The following FAM216B variants were observed in gnomAD, a reference collection of about 807,000 sequenced individuals.
FAM216B encodes the protein protein FAM216B.
FAM216B carries 11 observed loss-of-function variants against 12.9 expected under a neutral mutation model. That is an observed-to-expected ratio of 0.86 (90% CI 0.54 to 1.42). FAM216B has a LOEUF of 1.42. Among genes scored for constraint, FAM216B ranks in the 40% most tolerant of loss-of-function variants. The probability of loss-of-function intolerance (pLI) is 0.00; values close to 1 mark genes in which losing one functional copy is unlikely to be tolerated. For synonymous variants in FAM216B, 52 were observed against 57.2 expected, an observed-to-expected ratio of 0.91 and a Z score of 0.41; for missense variants, 167 against 162.9, an observed-to-expected ratio of 1.02 and a Z score of -0.14.
rs561910944 is a variant in FAM216B, at chr13:42,791,452, C to T, written c.*2662C>T. On this transcript the variant is annotated 3_prime_UTR_variant, in exon 4 of 4. Coordinates refer to ENST00000313851, the MANE Select transcript of FAM216B (RefSeq NM_001318932.2). ...TGATTGTAAAGACAAGAAACAGAAC[C>T]TGAAATACTTCAATTTTTGATTCTA... is the stretch of plus-strand genomic sequence containing the variant. The T allele has an allele frequency of 2.0e-5, 3 of 152,102 alleles. No homozygotes were observed. The highest frequency in any genetic ancestry group is 2.1e-4 in the South Asian group (1 of 4,810). The allele number at this position is 152,102 out of a possible 1,614,324, so 9.4% of individuals were successfully genotyped here. A position where few individuals can be genotyped will look rare whatever the true frequency, so the allele number is the denominator to read the frequency against.
rs1173280369 is a variant in FAM216B, at chr13:42,786,308, G to A, written c.100-455G>A. On this transcript the variant is annotated intron_variant, in intron 2 of 3. Transcript: ENST00000313851. ...CTTGTTTACATTGTTTGTTTTCATGGCACCTTTTTACTAATGATATAATGA... is the reference window on the plus strand; with the variant it reads ...CTTGTTTACATTGTTTGTTTTCATGACACCTTTTTACTAATGATATAATGA... 2.0e-5 allele frequency among the ~76,000 whole-genome samples: 3 copies of A among 151,202 alleles called. No homozygotes were observed. In the East Asian group the frequency reaches 5.8e-4, roughly 29 times the overall value.
At chr13:42,784,945 A>G (rs1312851373) in intron 2 of FAM216B, among the ~76,000 whole-genome samples, 1 of 152,198 alleles carries the variant, frequency 6.6e-6, no homozygotes, top group Non-Finnish European at 1.5e-5. Flanking sequence ...GTTACCTGTT[A>G]CTTCTCATTT....
chr13:42,782,518 G>T (rs945139927), intron 1 of FAM216B, among the ~76,000 whole-genome samples: 1 of 152,148 alleles, frequency 6.6e-6, no homozygotes, highest in Non-Finnish European at 1.5e-5. Flanking sequence ...AATAATCTAC[G>T]TTTAGCAGAT....
rs980002678 is a variant in FAM216B at position 42,791,456 on chromosome 13, A to G, written c.*2666A>G. 1.3e-5 allele frequency: 2 copies of G among 152,204 alleles called. No individual in the cohort carries two copies. The highest frequency in any genetic ancestry group is 2.9e-5 in the Non-Finnish European group (2 of 68,028). 9.4% of individuals were successfully genotyped at this position (152,204 alleles called of 1,614,324 possible). On this transcript the variant is annotated 3_prime_UTR_variant, in exon 4 of 4. Transcript: ENST00000313851. ...TGTAAAGACAAGAAACAGAACCTGA[A>G]ATACTTCAATTTTTGATTCTATGTG...
chr13:42,785,447 G>A lies in FAM216B; in HGVS notation c.99+1281G>A, dbSNP rs190956755. 2.2e-4 allele frequency among the ~76,000 whole-genome samples: 33 copies of A among 152,166 alleles called. No individual in the cohort carries two copies. In the East Asian group the frequency reaches 6.0e-3, roughly 28 times the overall value. On this transcript the variant is annotated intron_variant, in intron 2 of 3. Coordinates refer to ENST00000313851, the MANE Select transcript of FAM216B (RefSeq NM_001318932.2). Reference sequence around the variant, plus strand: ...AACCCATTTTGAAAATTCTGTTATCGTTTTGAATTTTTTGGCCTAGGGTGA... The same window carrying A: ...AACCCATTTTGAAAATTCTGTTATCATTTTGAATTTTTTGGCCTAGGGTGA...
rs773459820 is a variant in FAM216B at position 42,784,160 on chromosome 13, A to G, written c.93A>G (p.Leu31=). 26 of 1,472,156 alleles carry G rather than the reference A, an allele frequency of 1.8e-5. No individual in the cohort carries two copies. Among genetic ancestry groups the G allele is most frequent in the Non-Finnish European group, 9.2e-7 (1 of 1,085,246 alleles). 91.2% of individuals were successfully genotyped at this position (1,472,156 alleles called of 1,614,324 possible). A position where few individuals can be genotyped will look rare whatever the true frequency, so the allele number is the denominator to read the frequency against. ...RVPPSIYDTS[L]LKALNQGQQR... ...CTCCCTCCATCTATGACACTTCCTT[A>G]CTAAAGGTATGGCTTTTTTTTTTTT... The change falls in exon 2 of 4, where the codon TTA becomes TTG. Residue 31 remains leucine (L), a synonymous_variant. Coordinates refer to ENST00000313851, the MANE Select transcript of FAM216B (RefSeq NM_001318932.2).
Position 42,784,150 on chromosome 13 carries a change from A to G in FAM216B, c.83A>G (p.Asp28Gly). The G allele has an allele frequency of 6.7e-7, 1 of 1,492,048 alleles. No individual in the cohort carries two copies. The highest frequency in any genetic ancestry group is 9.1e-7 in the Non-Finnish European group (1 of 1,093,196). The allele number at this position is 1,492,048 out of a possible 1,614,324, so 92.4% of individuals were successfully genotyped here. Residue 28 changes from aspartate (D) to glycine (G), a missense_variant, in exon 2 of 4, where the codon GAC becomes GGC. Asp to Gly is a moderately conservative substitution (Grantham distance 94). Transcript: ENST00000313851. ...PFIRVPPSIY[D>G]TSLLKALNQG... ...ATTCGAGTTCCTCCCTCCATCTATGACACTTCCTTACTAAAGGTATGGCTT... is the reference window on the plus strand; with the variant it reads ...ATTCGAGTTCCTCCCTCCATCTATGGCACTTCCTTACTAAAGGTATGGCTT...
rs71202236 is a variant in FAM216B at position 42,784,173 on chromosome 13, C to CTTTTTTT, written c.99+21_99+27dup. The CTTTTTTT allele has an allele frequency of 6.7e-3, 5,025 of 750,470 alleles. 218 individuals are homozygous for CTTTTTTT. The highest frequency in any genetic ancestry group is 0.014 in the South Asian group (490 of 35,714). The allele number at this position is 750,470 out of a possible 1,614,324, so 46.5% of individuals were successfully genotyped here. On this transcript the variant is annotated splice_region_variant and intron_variant, in intron 2 of 3. Coordinates refer to ENST00000313851, the MANE Select transcript of FAM216B (RefSeq NM_001318932.2). Reference sequence around the variant, plus strand: ...TGACACTTCCTTACTAAAGGTATGGCTTTTTTTTTTTTTTTTTTTTCACAG... The same window carrying CTTTTTTT: ...TGACACTTCCTTACTAAAGGTATGGCTTTTTTTTTTTTTTTTTTTTTTTTTTTCACAG...
chr13:42,782,959 G>GTA, intron 1 of FAM216B, among the ~76,000 whole-genome samples: 1 of 151,908 alleles, frequency 6.6e-6, no homozygotes, highest in South Asian at 2.1e-4. Flanking sequence ...TATAAATTAT[G>GTA]ATCTCCCTTT....
rs112779785 is a variant in FAM216B, at chr13:42,786,936, G to A, written c.220+53G>A. 4.4e-3 allele frequency: 6,990 copies of A among 1,598,682 alleles called. 160 individuals are homozygous for A. In the African/African-American group the frequency reaches 0.054, roughly 12 times the overall value. ...AGCACCTAAGGAATCAACTCGTGCT[G>A]TAGCCAGAAGTCGTTTCCAGATAAA... is the stretch of plus-strand genomic sequence containing the variant. On this transcript the variant is annotated intron_variant, in intron 3 of 3. Transcript: ENST00000313851.
chr13:42,785,133 A>C (rs1157658757), intron 2 of FAM216B, among the ~76,000 whole-genome samples: 1 of 152,140 alleles, frequency 6.6e-6, no homozygotes, highest in Admixed American at 6.5e-5. Flanking sequence ...TAAAAGGCAA[A>C]ATTAGTTATT....
chr13:42,791,053 A>G lies in FAM216B; in HGVS notation c.*2263A>G, dbSNP rs1005828566. On this transcript the variant is annotated 3_prime_UTR_variant, in exon 4 of 4. Coordinates refer to ENST00000313851, the MANE Select transcript of FAM216B (RefSeq NM_001318932.2). Reference sequence around the variant, plus strand: ...GGGCAGGGAATAGAGGGTACACTGGAAAGAATTTGAAAACAATAATAAAGC... The same window carrying G: ...GGGCAGGGAATAGAGGGTACACTGGGAAGAATTTGAAAACAATAATAAAGC... 1 of 152,196 alleles carries G rather than the reference A, an allele frequency of 6.6e-6. No homozygotes were observed. Among genetic ancestry groups the G allele is most frequent in the African/African-American group, 2.4e-5 (1 of 41,446 alleles). The allele number at this position is 152,196 out of a possible 1,614,324, so 9.4% of individuals were successfully genotyped here. A position where few individuals can be genotyped will look rare whatever the true frequency, so the allele number is the denominator to read the frequency against.
intron 1 of FAM216B, among the ~76,000 whole-genome samples, chr13:42,781,868 T>C (rs1046540602): frequency 6.6e-6 from 1 of 152,234 alleles, no homozygotes. Context: ...CATTTCTTTA[T>C]GCTATTTGAG....
At position 42,790,385 on chromosome 13, in the gene FAM216B, A is replaced by G. The variant is rs1874269994; in HGVS notation, c.*1595A>G. 1 of 152,050 alleles carries G rather than the reference A, an allele frequency of 6.6e-6. No individual in the cohort carries two copies. Among genetic ancestry groups the G allele is most frequent in the South Asian group, 2.1e-4 (1 of 4,826 alleles). 9.4% of individuals were successfully genotyped at this position (152,050 alleles called of 1,614,324 possible). On this transcript the variant is annotated 3_prime_UTR_variant, in exon 4 of 4. Coordinates refer to ENST00000313851, the MANE Select transcript of FAM216B (RefSeq NM_001318932.2). ...TGTAAGCCTTATCTAGTGATGCAGA[A>G]TATCAAGGAGGCCACTTACAATTCT...
At position 42,784,092 on chromosome 13, in the gene FAM216B, CA is replaced by C; in HGVS notation, c.29del (p.Lys10SerfsTer23). MGQNWKRQ[Q>X]KLWNVPQLPF... ...GATGGGACAAAACTGGAAAAGACAA[CA>C]AAAGCTTTGGAATGTTCCACAACTT... On this transcript the variant is annotated frameshift_variant, in exon 2 of 4. Coordinates refer to ENST00000313851, the MANE Select transcript of FAM216B (RefSeq NM_001318932.2). LOFTEE classifies it high-confidence loss of function. The C allele has an allele frequency of 6.4e-7, 1 of 1,553,714 alleles. No individual in the cohort carries two copies. Among genetic ancestry groups the C allele is most frequent in the Non-Finnish European group, 8.7e-7 (1 of 1,143,156 alleles).
rs1874298598 is a variant in FAM216B, at chr13:42,791,093, T to A, written c.*2303T>A. ...AATAATAAAGCTGACTACAAGTTGGTCTATTTTTTATTACCACCATGAGCC... is the reference window on the plus strand; with the variant it reads ...AATAATAAAGCTGACTACAAGTTGGACTATTTTTTATTACCACCATGAGCC... On this transcript the variant is annotated 3_prime_UTR_variant, in exon 4 of 4. Coordinates refer to ENST00000313851, the MANE Select transcript of FAM216B (RefSeq NM_001318932.2). 1 of 152,196 alleles carries A rather than the reference T, an allele frequency of 6.6e-6. No homozygotes were observed. Among genetic ancestry groups the A allele is most frequent in the African/African-American group, 2.4e-5 (1 of 41,444 alleles). 9.4% of individuals were successfully genotyped at this position (152,196 alleles called of 1,614,324 possible).
chr13:42,783,997 C>T (rs1873957434), intron 1 of FAM216B, 57 bp from the exon 2 acceptor site: 6 of 1,091,180 alleles, frequency 5.5e-6, no homozygotes, highest in Non-Finnish European at 8.1e-6. Flanking sequence ...TTAAGTACAT[C>T]CCCAAAATTG....
Position 42,790,314 on chromosome 13 carries a change from A to G in FAM216B, c.*1524A>G, listed in dbSNP as rs1874267218. 1.0e-5 allele frequency: 1 copy of G among 95,494 alleles called. No homozygotes were observed. Among genetic ancestry groups the G allele is most frequent in the Admixed American group, 1.1e-4 (1 of 8,784 alleles). The allele number at this position is 95,494 out of a possible 1,614,324, so 5.9% of individuals were successfully genotyped here. A position where few individuals can be genotyped will look rare whatever the true frequency, so the allele number is the denominator to read the frequency against. Reference sequence around the variant, plus strand: ...TATCCCCTCTGAACTGCTTGCCTGCACTTTTATCTTAGACTTTTTTTTTTG... The same window carrying G: ...TATCCCCTCTGAACTGCTTGCCTGCGCTTTTATCTTAGACTTTTTTTTTTG... On this transcript the variant is annotated 3_prime_UTR_variant, in exon 4 of 4. Coordinates refer to ENST00000313851, the MANE Select transcript of FAM216B (RefSeq NM_001318932.2).
chr13:42,783,978 CTTAT>C (rs1873956763), intron 1 of FAM216B, 72 bp from the exon 2 acceptor site: 18 of 821,778 alleles, frequency 2.2e-5, no homozygotes, highest in Middle Eastern at 5.9e-4. Context: ...TACTTGCTTA[CTTAT>C]TTACTTAAGT....
Sources: gnomAD v4.1 joint callset for allele counts (sites outside exome capture counted in the v4.1 genomes callset) on GRCh38, gnomAD v4.1.1 for gene constraint, MANE v1.5 for transcripts, NCBI Gene and HGNC (gene_info 2026-07-23, HGNC 2026-07-21) for gene names.